The following COG5 variants were observed in gnomAD, a reference collection of about 807,000 sequenced individuals.
The protein encoded by COG5 is conserved oligomeric Golgi complex subunit 5.
A neutral mutation model predicts 110.4 loss-of-function variants in COG5; 86 were observed. The ratio of observed to expected loss-of-function variants is 0.78; its 90% CI spans 0.65 to 0.93. COG5 has a LOEUF of 0.93. COG5 is among the 40% of genes least tolerant of loss of function. The pLI is 0.00. For synonymous variants in COG5, 360 were observed against 334.6 expected, an observed-to-expected ratio of 1.08 and a Z score of -0.83; for missense variants, 1,077 against 987.0, an observed-to-expected ratio of 1.09 and a Z score of -1.22.
At chr7:107,348,593 C>A (rs958808868) in intron 10 of COG5, among the ~76,000 whole-genome samples, 6 of 151,972 alleles carry the variant, frequency 3.9e-5, no homozygotes. Flanking sequence ...TCTTATTGTC[C>A]TCTTATTTTC....
intron 10 of COG5, among the ~76,000 whole-genome samples, chr7:107,329,203 A>G (rs575920024): frequency 2.0e-5 from 3 of 152,326 alleles, no homozygotes; most frequent in South Asian, 2.1e-4. Context: ...AAATCAATCA[A>G]TCCATCCCAA....
At chr7:107,532,385 C>T (rs1801277599) in intron 5 of COG5, among the ~76,000 whole-genome samples, 1 of 152,142 alleles carries the variant, frequency 6.6e-6, no homozygotes, top group Non-Finnish European at 1.5e-5. Flanking sequence ...ACCACATTCA[C>T]AGAACTAGGT....
At chr7:107,249,583 A>C (rs1447212950) in intron 16 of COG5, among the ~76,000 whole-genome samples, 1 of 152,124 alleles carries the variant, frequency 6.6e-6, no homozygotes, top group Non-Finnish European at 1.5e-5. Flanking sequence ...TGGCTCATAC[A>C]AATGATCAAA....
intron 14 of COG5, among the ~76,000 whole-genome samples, chr7:107,270,788 A>C (rs1804195217): frequency 6.7e-6 from 1 of 149,776 alleles, no homozygotes; most frequent in African/African-American, 2.5e-5. Flanking sequence ...ATTTGAATAT[A>C]CTGTGACTGT....
intron 6 of COG5, among the ~76,000 whole-genome samples, chr7:107,514,107 T>C (rs1799746545): frequency 6.6e-6 from 1 of 152,060 alleles, no homozygotes; most frequent in African/African-American, 2.4e-5. Flanking sequence ...TGTTAATATA[T>C]TGCAGCTAGG....
intron 7 of COG5, among the ~76,000 whole-genome samples, chr7:107,412,070 A>G (rs914011970): frequency 2.0e-5 from 3 of 152,104 alleles, no homozygotes; most frequent in African/African-American, 7.2e-5. Flanking sequence ...TAAAATTTGA[A>G]TCCAAACTAA....
chr7:107,289,838 T>C (rs1806015940), intron 12 of COG5, among the ~76,000 whole-genome samples: 1 of 152,242 alleles, frequency 6.6e-6, no homozygotes, highest in Non-Finnish European at 1.5e-5. Context: ...CATCATTTCC[T>C]AGAAAATTTC....
At chr7:107,219,737 G>A (rs1237619046) in intron 19 of COG5, among the ~76,000 whole-genome samples, 1 of 152,184 alleles carries the variant, frequency 6.6e-6, no homozygotes, top group East Asian at 1.9e-4. Flanking sequence ...TAGACAGGAG[G>A]AAGATGGTTT....
chr7:107,392,047 C>A (rs575288116), intron 7 of COG5, among the ~76,000 whole-genome samples: 1 of 151,816 alleles, frequency 6.6e-6, no homozygotes, highest in Non-Finnish European at 1.5e-5. Context: ...GCTGAGATTG[C>A]GCCACTGCAC....
intron 6 of COG5, among the ~76,000 whole-genome samples, chr7:107,468,051 G>A (rs939182113): frequency 1.3e-5 from 2 of 152,146 alleles, no homozygotes; most frequent in Non-Finnish European, 2.9e-5. Context: ...TGACCCAAAG[G>A]ATGTTTGACT....
At chr7:107,212,179 T>C (rs1219560678) in intron 19 of COG5, among the ~76,000 whole-genome samples, 2 of 152,244 alleles carry the variant, frequency 1.3e-5, no homozygotes, top group Non-Finnish European at 2.9e-5. Flanking sequence ...TTATTATTAG[T>C]AAAGATGGCT....
chr7:107,215,433 C>T (rs755789449), intron 19 of COG5, among the ~76,000 whole-genome samples: 9 of 151,980 alleles, frequency 5.9e-5, no homozygotes, highest in East Asian at 2.0e-4. Context: ...TTTGGGAGGC[C>T]GTGGTGGGTG....
intron 2 of COG5, 93 bp downstream of exon 2, chr7:107,557,883 G>T (rs1803441031): frequency 6.1e-6 from 9 of 1,463,984 alleles, no homozygotes; most frequent in South Asian, 3.5e-5. Context: ...ACTTCTTCAT[G>T]TAAATATGCA....
At position 107,362,310 on chromosome 7, in the gene COG5, G is replaced by C; in HGVS notation, c.946C>G (p.Gln316Glu). ...TTTCCACTCCTTCAAATATTTACCT[G>C]TCCACAAACAGCATAAATATGATCC... ...LMDHIYAVCG[Q>E]VQHLQKVLAK... The change falls in exon 9 of 22, where the codon CAG becomes GAG. Residue 316 changes from glutamine (Q) to glutamate (E), a missense_variant and splice_region_variant. Transcript: ENST00000297135. 1 of 1,594,822 alleles carries C rather than the reference G, an allele frequency of 6.3e-7. No homozygotes were observed.
chr7:107,204,208 T>G (rs1798578316), intron 21 of COG5, among the ~76,000 whole-genome samples: 2 of 152,322 alleles, frequency 1.3e-5, no homozygotes, highest in Admixed American at 1.3e-4. Context: ...ATTCCATTGT[T>G]TATGATTATG....
intron 6 of COG5, among the ~76,000 whole-genome samples, chr7:107,509,072 G>T (rs979186803): frequency 6.6e-6 from 1 of 152,198 alleles, no homozygotes; most frequent in African/African-American, 2.4e-5. Flanking sequence ...GTTGAGAGAA[G>T]AAGGCTTCAG....
Position 107,403,811 on chromosome 7 carries a change from A to G in COG5, c.669+8691T>C, listed in dbSNP as rs185083285. Among the ~76,000 whole-genome samples, 972 of 152,276 alleles carry G rather than the reference A, an allele frequency of 6.4e-3. 4 individuals are homozygous for G. Among genetic ancestry groups the G allele is most frequent in the Non-Finnish European group, 8.0e-3 (546 of 68,008 alleles). On this transcript the variant is annotated intron_variant, in intron 7 of 21. Coordinates refer to ENST00000297135, the MANE Select transcript of COG5 (RefSeq NM_006348.5). ...TAATTTTGGCGGTTAGGATTTCAAC[A>G]TAAGGAGAATTTAAGGAGGATGCAT...
At chr7:107,395,683 T>C (rs937324136) in intron 7 of COG5, among the ~76,000 whole-genome samples, 2 of 150,562 alleles carry the variant, frequency 1.3e-5, no homozygotes, top group Admixed American at 6.7e-5. Flanking sequence ...GCCTCCCAAG[T>C]AGCTGGGATT....
intron 14 of COG5, among the ~76,000 whole-genome samples, chr7:107,269,829 A>T (rs1804099799): frequency 6.6e-6 from 1 of 152,176 alleles, no homozygotes; most frequent in African/African-American, 2.4e-5. Flanking sequence ...GTGAAGGCCA[A>T]AGCCCTTACT....
Sources: gnomAD v4.1 joint callset for allele counts (sites outside exome capture counted in the v4.1 genomes callset) on GRCh38, gnomAD v4.1.1 for gene constraint, MANE v1.5 for transcripts, NCBI Gene and HGNC (gene_info 2026-07-23, HGNC 2026-07-21) for gene names.